CACNB2: variants seen among roughly 807,000 people sequenced by gnomAD.
CACNB2 encodes the protein calcium voltage-gated channel auxiliary subunit beta 2, also known as voltage-dependent L-type calcium channel subunit beta-2.
Under a neutral mutation model 73.3 loss-of-function variants are expected in CACNB2, and 42 were observed. The ratio of observed to expected loss-of-function variants is 0.57; its 90% CI spans 0.45 to 0.74. The LOEUF (loss-of-function observed/expected upper bound fraction) is 0.74, where lower values mean the gene tolerates loss of function less well. Among genes scored for constraint, CACNB2 ranks in the 30% least tolerant of loss-of-function variants. The pLI is 0.00. For synonymous variants in CACNB2, 348 were observed against 310.3 expected (o/e 1.12, Z -1.28); for missense variants, 940 against 853.0 (o/e 1.10, Z -1.27).
chr10:18,411,400 ATAATAT>A (rs1371563974), intron 3 of CACNB2, among the ~76,000 whole-genome samples: 1 of 152,294 alleles, frequency 6.6e-6, no homozygotes, highest in Non-Finnish European at 1.5e-5. Context: ...TTAATTGATG[ATAATAT>A]TAATAATGAC....
chr10:18,490,305 A>T (rs1298556623), intron 3 of CACNB2, among the ~76,000 whole-genome samples: 4 of 152,204 alleles, frequency 2.6e-5, no homozygotes, highest in African/African-American at 9.6e-5. Flanking sequence ...TTAATTCTTT[A>T]TCCCAAAAAG....
intron 2 of CACNB2, among the ~76,000 whole-genome samples, chr10:18,292,981 C>T (rs1437236682): frequency 6.6e-6 from 1 of 152,232 alleles, no homozygotes; most frequent in South Asian, 2.1e-4. Flanking sequence ...ATAAATAATT[C>T]CATCTTTTTG....
chr10:18,441,186 C>T (rs940025649), intron 3 of CACNB2, among the ~76,000 whole-genome samples: 1 of 152,116 alleles, frequency 6.6e-6, no homozygotes, highest in Admixed American at 6.5e-5. Context: ...GGGTAGATCA[C>T]CCAGGTCAGG....
chr10:18,527,313 T>C (rs1033599177), intron 9 of CACNB2, among the ~76,000 whole-genome samples: 9 of 151,916 alleles, frequency 5.9e-5, no homozygotes, highest in Admixed American at 3.3e-4. Context: ...AAGGTGGAGA[T>C]TGCAGTGAGC....
intron 2 of CACNB2, among the ~76,000 whole-genome samples, chr10:18,170,746 T>G (rs1021222092): frequency 6.6e-6 from 1 of 152,238 alleles, no homozygotes; most frequent in African/African-American, 2.4e-5. Flanking sequence ...GGAAAACAGT[T>G]ATGTTGGTTT....
intron 2 of CACNB2, among the ~76,000 whole-genome samples, chr10:18,196,565 A>G (rs764228985): frequency 6.6e-6 from 1 of 152,044 alleles, no homozygotes; most frequent in Non-Finnish European, 1.5e-5. Flanking sequence ...TGATCTGTCC[A>G]CCTCAACCTC....
At chr10:18,438,823 TCA>T (rs1204389266) in intron 3 of CACNB2, among the ~76,000 whole-genome samples, 1 of 152,250 alleles carries the variant, frequency 6.6e-6, no homozygotes, top group East Asian at 1.9e-4. Context: ...GCTAAAAATC[TCA>T]AAGTCCTCAT....
At chr10:18,519,694 ATTT>A (rs200407642) in intron 9 of CACNB2, 3 of 451,260 alleles carry the variant, frequency 6.6e-6, no homozygotes, top group African/African-American at 6.1e-5. Context: ...TAGGTGTCTC[ATTT>A]TTTTTTCTTT....
At chr10:18,306,283 G>C (rs1267005982) in intron 2 of CACNB2, among the ~76,000 whole-genome samples, 1 of 152,176 alleles carries the variant, frequency 6.6e-6, no homozygotes, top group Non-Finnish European at 1.5e-5. Context: ...GAAGTGAGTT[G>C]AGGGAACGTG....
chr10:18,374,819 A>G (rs2042728096), intron 2 of CACNB2, among the ~76,000 whole-genome samples: 1 of 152,168 alleles, frequency 6.6e-6, no homozygotes, highest in African/African-American at 2.4e-5. Flanking sequence ...CATAGGGTAC[A>G]GCCTCCTTCC....
intron 3 of CACNB2, among the ~76,000 whole-genome samples, chr10:18,432,942 C>T (rs779324627): frequency 1.2e-4 from 18 of 152,152 alleles, no homozygotes; most frequent in Non-Finnish European, 1.8e-4. Context: ...AATATTTTAA[C>T]ACCTTTGAGA....
chr10:18,502,661 A>G (rs2050261040), intron 5 of CACNB2, among the ~76,000 whole-genome samples: 1 of 131,648 alleles, frequency 7.6e-6, no homozygotes, highest in African/African-American at 2.9e-5. Flanking sequence ...ATTGCACTCC[A>G]GCCTGGCGAC....
intron 3 of CACNB2, among the ~76,000 whole-genome samples, chr10:18,472,753 C>G (rs2048258051): frequency 6.6e-6 from 1 of 152,204 alleles, no homozygotes; most frequent in Non-Finnish European, 1.5e-5. Context: ...CTTTAGAAAA[C>G]AAGCAGCCTT....
chr10:18,235,691 C>G (rs2036414611), intron 2 of CACNB2, among the ~76,000 whole-genome samples: 1 of 152,190 alleles, frequency 6.6e-6, no homozygotes, highest in Non-Finnish European at 1.5e-5. Context: ...AGCAAACTGA[C>G]TGGTCTTGGC....
rs1374329817 is a variant in CACNB2 at position 18,401,164 on chromosome 10, G to C, written c.214-760G>C. On this transcript the variant is annotated intron_variant, in intron 2 of 13. Transcript: ENST00000324631. ...TTGTCTCTGCTTTTCTGTTGTTGCA[G>C]TGAGTGCAGGTAGAGAGGGTGGTTT... 3 of 1,586,920 alleles carry C rather than the reference G, an allele frequency of 1.9e-6. No homozygotes were observed. In the East Asian group the frequency reaches 6.7e-5, roughly 36 times the overall value.
At chr10:18,509,127 A>G (rs753240824) in intron 6 of CACNB2, among the ~76,000 whole-genome samples, 3 of 152,212 alleles carry the variant, frequency 2.0e-5, no homozygotes, top group Non-Finnish European at 2.9e-5. Flanking sequence ...CTCTGAGACA[A>G]TTTTTATATC....
intron 3 of CACNB2, among the ~76,000 whole-genome samples, chr10:18,439,001 C>A (rs546460889): frequency 7.6e-4 from 116 of 152,250 alleles, no homozygotes; most frequent in African/African-American, 2.6e-3. Flanking sequence ...TGAAGGTCAT[C>A]GGGGAGAAAA....
intron 2 of CACNB2, among the ~76,000 whole-genome samples, chr10:18,299,081 T>TAAAAAAAAAAAAAAA (rs1224404182): frequency 2.7e-5 from 1 of 37,010 alleles, no homozygotes; most frequent in Non-Finnish European, 6.2e-5. Context: ...AAAAAAAAAA[T>TAAAAAAAAAAAAAAA]AAAAAATAAA....
chr10:18,422,119 A>G (rs1438606440), intron 3 of CACNB2, among the ~76,000 whole-genome samples: 1 of 152,260 alleles, frequency 6.6e-6, no homozygotes, highest in African/African-American at 2.4e-5. Context: ...GACCGTTTCA[A>G]GTTCAGCAGA....
Sources: gnomAD v4.1 joint callset for allele counts (sites outside exome capture counted in the v4.1 genomes callset) on GRCh38, gnomAD v4.1.1 for gene constraint, MANE v1.5 for transcripts, NCBI Gene and HGNC (gene_info 2026-07-23, HGNC 2026-07-21) for gene names.